BTBD2: variants seen among roughly 807,000 people sequenced by gnomAD.
BTBD2 encodes BTB domain containing 2.
BTBD2 carries 15 observed loss-of-function variants against 44.0 expected under a neutral mutation model. The observed-to-expected ratio is 0.34, with a 90% CI of 0.23 to 0.53. The LOEUF (loss-of-function observed/expected upper bound fraction) is 0.53. BTBD2 is among the 20% of genes least tolerant of loss of function. The pLI, the probability that BTBD2 is intolerant of heterozygous loss-of-function variation, is 0.95. For missense variants in BTBD2, 657 were observed against 746.4 expected (o/e 0.88, Z 1.39); for synonymous variants, 443 against 335.9 (o/e 1.32, Z -3.49).
In BTBD2 at chr19:2,015,458, GC is replaced by G; in HGVS notation, c.245del (p.Gly82AlafsTer109). On this transcript the variant is annotated frameshift_variant, in exon 1 of 9. Transcript: ENST00000255608. LOFTEE classifies it high-confidence loss of function. Reference protein sequence around the residue: ...AGAERAEEAAGPGAAALQREA... With the variant: ...AGAERAEEAAXPGAAALQREA... ...CGCGCTGCAGCGCCGCCGCCCCCGGGCCCGCCGCCTCCTCCGCCCGCTCCGC... is the reference window on the plus strand; with the variant it reads ...CGCGCTGCAGCGCCGCCGCCCCCGGGCCGCCGCCTCCTCCGCCCGCTCCGC... The G allele has an allele frequency of 7.3e-7, 1 of 1,378,960 alleles. No homozygotes were observed. The highest frequency in any genetic ancestry group is 9.4e-7 in the Non-Finnish European group (1 of 1,064,880). The allele number at this position is 1,378,960 out of a possible 1,614,324, so 85.4% of individuals were successfully genotyped here.
At chr19:2,005,765 G>A (rs2016387076) in intron 1 of BTBD2, among the ~76,000 whole-genome samples, 1 of 141,864 alleles carries the variant, frequency 7.0e-6, no homozygotes, top group Non-Finnish European at 1.5e-5. Context: ...CTGGGAACAA[G>A]AGCAAAACTC....
chr19:1,992,530 G>T (rs546358793), intron 3 of BTBD2, among the ~76,000 whole-genome samples: 1 of 149,380 alleles, frequency 6.7e-6, no homozygotes, highest in Admixed American at 6.7e-5. Context: ...GTGAGCCACC[G>T]CACCCTGCCA....
At chr19:1,997,828 A>G (rs1437286165) in intron 1 of BTBD2, among the ~76,000 whole-genome samples, 4 of 152,252 alleles carry the variant, frequency 2.6e-5, no homozygotes, top group South Asian at 2.1e-4. Context: ...GCATTCACAC[A>G]TACGTTCATT....
At chr19:1,990,685 G>C in intron 4 of BTBD2, 32 bp downstream of exon 4, 1 of 1,557,020 alleles carries the variant, frequency 6.4e-7, no homozygotes, top group Non-Finnish European at 8.7e-7. Context: ...GGCCCCGCTG[G>C]GATTCCCACA....
chr19:2,009,023 T>TC (rs1568222957), intron 1 of BTBD2, among the ~76,000 whole-genome samples: 1 of 150,668 alleles, frequency 6.6e-6, no homozygotes, highest in African/African-American at 2.4e-5. Flanking sequence ...CACTGTTCTT[T>TC]TTTTTTTTTT....
chr19:2,013,044 G>A (rs955688778), intron 1 of BTBD2, among the ~76,000 whole-genome samples: 6 of 152,182 alleles, frequency 3.9e-5, no homozygotes, highest in Non-Finnish European at 8.8e-5. Flanking sequence ...CAGAGACAGG[G>A]ACGGCGACAC....
chr19:1,991,069 G>GA (rs762495776), intron 3 of BTBD2: 5 of 449,456 alleles, frequency 1.1e-5, no homozygotes, highest in Non-Finnish European at 2.0e-5. Context: ...AAGGAAGGAA[G>GA]AAAAAGATGC....
intron 1 of BTBD2, among the ~76,000 whole-genome samples, chr19:2,008,897 T>G (rs1358656774): frequency 1.3e-5 from 2 of 151,968 alleles, no homozygotes; most frequent in Non-Finnish European, 2.9e-5. Flanking sequence ...AGAATAAAGT[T>G]GGGAAGAATT....
intron 8 of BTBD2, 36 bp from the exon 9 acceptor site, chr19:1,986,685 ACCAGG>A (rs771534997): frequency 6.2e-7 from 1 of 1,606,530 alleles, no homozygotes; most frequent in Non-Finnish European, 8.5e-7. Flanking sequence ...GTCAAGGACC[ACCAGG>A]CTGGGATGCC....
At position 1,990,753 on chromosome 19, in the gene BTBD2, C is replaced by T. The variant is rs756206197; in HGVS notation, c.754G>A (p.Ala252Thr). Reference protein sequence around the residue: ...LENIDKNTADAITAEGFTDID... With the variant: ...LENIDKNTADTITAEGFTDID... The stretch of plus-strand genomic sequence containing the variant: ...TCGGTGAAGCCCTCCGCGGTGATGG[C>T]GTCTGCAGTGTTTTTGTCGATGTTC... The change falls in exon 4 of 9, where the codon GCC becomes ACC. Residue 252 changes from alanine to threonine, a missense_variant. Ala to Thr is a moderately conservative substitution (Grantham distance 58). Coordinates refer to ENST00000255608, the MANE Select transcript of BTBD2 (RefSeq NM_017797.4). 10 of 1,602,988 alleles carry T rather than the reference C, an allele frequency of 6.2e-6. No individual in the cohort carries two copies. Among genetic ancestry groups the T allele is most frequent in the African/African-American group, 1.3e-5 (1 of 74,600 alleles).
chr19:1,987,372 C>G, intron 6 of BTBD2, 119 bp from the exon 7 acceptor site: 1 of 1,377,104 alleles, frequency 7.3e-7, no homozygotes, highest in South Asian at 1.3e-5. Flanking sequence ...CACCCCCATG[C>G]CCGGCGGCCC....
At position 2,015,359 on chromosome 19, in the gene BTBD2, C is replaced by A; in HGVS notation, c.345G>T (p.Val115=). Reference sequence around the variant, plus strand: ...CCACCAGGAAGTGCACGTCGCACAGCACCTCGTTGTTGAAGAGGAAGGCGA... The same window carrying A: ...CCACCAGGAAGTGCACGTCGCACAGAACCTCGTTGTTGAAGAGGAAGGCGA... ...ERFAFLFNNE[V]LCDVHFLVGK... Residue 115 remains valine, a synonymous_variant, in exon 1 of 9, where the codon GTG becomes GTT. Coordinates refer to ENST00000255608, the MANE Select transcript of BTBD2 (RefSeq NM_017797.4). 6.3e-7 allele frequency: 1 copy of A among 1,585,528 alleles called. No homozygotes were observed.
intron 1 of BTBD2, among the ~76,000 whole-genome samples, chr19:2,013,298 C>T (rs1332015698): frequency 5.9e-5 from 9 of 152,044 alleles, no homozygotes; most frequent in South Asian, 2.1e-4. Context: ...TAAGAGGGAC[C>T]GGGGAGTGGA....
Position 1,993,001 on chromosome 19 carries a change from TC to T in BTBD2, c.684+18del, listed in dbSNP as rs1355110965. On this transcript the variant is annotated intron_variant, in intron 3 of 8. Transcript: ENST00000255608. The stretch of plus-strand genomic sequence containing the variant: ...AGCCAGGCCTGGCCCCGCCCCCGCC[TC>T]GTACCGGCCCCGCCCACCTGCGTGA... The T allele has an allele frequency of 6.8e-6, 5 of 740,106 alleles. No individual in the cohort carries two copies. In the African/African-American group the frequency reaches 1.7e-4, roughly 25 times the overall value. 45.8% of individuals were successfully genotyped at this position (740,106 alleles called of 1,614,324 possible).
Position 1,987,218 on chromosome 19 carries a change from A to T in BTBD2, c.1217T>A (p.Phe406Tyr). ...SVNKRIFVVG[F>Y]GLYGSIHGPT... ...CCCGTGGATGGATCCATACAGCCCA[A>T]ATCCCACCACGAAGATGCGCTTGTT... The change falls in exon 7 of 9, where the codon TTT (phenylalanine) becomes TAT (tyrosine). Residue 406 changes from phenylalanine to tyrosine, a missense_variant. By Grantham distance (22) the Phe-to-Tyr change is conservative. Coordinates refer to ENST00000255608, the MANE Select transcript of BTBD2 (RefSeq NM_017797.4). 5.0e-6 allele frequency: 8 copies of T among 1,613,802 alleles called. No homozygotes were observed. Among genetic ancestry groups the T allele is most frequent in the Non-Finnish European group, 6.8e-6 (8 of 1,179,840 alleles).
At chr19:2,007,311 C>A (rs564684161) in intron 1 of BTBD2, among the ~76,000 whole-genome samples, 1 of 152,208 alleles carries the variant, frequency 6.6e-6, no homozygotes, top group Non-Finnish European at 1.5e-5. Flanking sequence ...TATTAGAACA[C>A]AGCTCTTCTT....
intron 1 of BTBD2, chr19:2,002,875 T>C (rs1196203096): frequency 4.9e-5 from 3 of 61,608 alleles, no homozygotes; most frequent in South Asian, 5.2e-4. Flanking sequence ...AGACTCCGTC[T>C]CAAAAAAAAA....
In BTBD2 at chr19:2,015,486, C is replaced by T; in HGVS notation, c.218G>A (p.Gly73Asp). The change falls in exon 1 of 9, where the codon GGC (glycine) becomes GAC (aspartate). Residue 73 changes from glycine to aspartate, a missense_variant. By Grantham distance (94) the Gly-to-Asp change is moderately conservative. Coordinates refer to ENST00000255608, the MANE Select transcript of BTBD2 (RefSeq NM_017797.4). ...PGPGTDAQAA[G>D]AERAEEAAGP... is the part of the protein sequence containing the mutation. The stretch of plus-strand genomic sequence containing the variant: ...CGCCGCCTCCTCCGCCCGCTCCGCG[C>T]CCGCGGCCTGCGCGTCTGTCCCGGG... 8.3e-7 allele frequency: 1 copy of T among 1,197,886 alleles called. No homozygotes were observed. The allele number at this position is 1,197,886 out of a possible 1,614,324, so 74.2% of individuals were successfully genotyped here.
chr19:1,995,279 CTTT>C (rs71174402), intron 2 of BTBD2, among the ~76,000 whole-genome samples: 3 of 122,682 alleles, frequency 2.4e-5, no homozygotes, highest in Non-Finnish European at 3.5e-5. Flanking sequence ...ACTTTGGATT[CTTT>C]TTTTTTTTTT....
Sources: allele counts gnomAD v4.1 joint callset (sites outside exome capture counted in the v4.1 genomes callset), GRCh38; gene constraint gnomAD v4.1.1; transcripts MANE v1.5; gene names NCBI Gene and HGNC (gene_info 2026-07-23, HGNC 2026-07-21).